Variants in GPRASP1 observed in about 807,000 individuals in gnomAD.
The protein encoded by GPRASP1 is G protein-coupled receptor-associated sorting protein 1.
In GPRASP1, 28 loss-of-function variants were observed where a neutral mutation model predicts 68.4. That is an observed-to-expected ratio of 0.41 (90% CI 0.30 to 0.56). GPRASP1 has a LOEUF of 0.56. GPRASP1 is among the 20% of genes least tolerant of loss of function. The pLI, the probability that GPRASP1 is intolerant of heterozygous loss-of-function variation, is 0.29. For missense variants in GPRASP1, 913 were observed against 1,031.5 expected, an observed-to-expected ratio of 0.89 and a Z score of 1.57; for synonymous variants, 304 against 358.2, an observed-to-expected ratio of 0.85 and a Z score of 1.71.
At chrX:102,651,857 C>T (rs748612456) in intron 2 of GPRASP1, 124 bp downstream of exon 2, 1 of 113,250 alleles carries the variant, frequency 8.8e-6, no homozygotes, top group African/African-American at 3.2e-5. Context: ...ACCGCGCTGA[C>T]CGCTTCCCAG....
chrX:102,654,682 T>G lies in GPRASP1; in HGVS notation c.769T>G (p.Ser257Ala), dbSNP rs758601705. ...ATCTAGTTCTGGTTCTGAGGATGAG[T>G]CTGTTAAGACACCCTGGTTCTGGGC... ...IASSSGSEDE[S>A]VKTPWFWARD... Residue 257 changes from serine (S) to alanine (A), a missense_variant, in exon 6 of 6, where the codon TCT becomes GCT. Coordinates refer to ENST00000537097, the MANE Select transcript of GPRASP1 (RefSeq NM_001184727.2). The G allele has an allele frequency of 2.5e-6, 3 of 1,211,231 alleles. No homozygotes were observed. The highest frequency in any genetic ancestry group is 3.4e-6 in the Non-Finnish European group (3 of 895,140).
Position 102,654,559 on chromosome X carries a change from G to A in GPRASP1, c.646G>A (p.Gly216Arg), listed in dbSNP as rs1209575131. The A allele has an allele frequency of 8.3e-7, 1 of 1,209,212 alleles. No individual in the cohort carries two copies. The highest frequency in any genetic ancestry group is 1.1e-6 in the Non-Finnish European group (1 of 894,637). ...GDEVTAKFHP[G>R]NRVKDSNRSM... ...TGAGGTCACTGCAAAATTTCATCCTGGGAATAGGGTAAAAGACAGTAACAG... is the reference window on the plus strand; with the variant it reads ...TGAGGTCACTGCAAAATTTCATCCTAGGAATAGGGTAAAAGACAGTAACAG... Residue 216 changes from glycine (G) to arginine (R), a missense_variant, in exon 6 of 6, where the codon GGG (glycine) becomes AGG (arginine). Physicochemically the swap from Gly to Arg is moderately radical, Grantham distance 125 (BLOSUM62 -2). Transcript: ENST00000537097.
In GPRASP1 at chrX:102,655,895, G is replaced by A. The variant is rs774872818; in HGVS notation, c.1982G>A (p.Arg661Lys). ...EVSMKHGTGV[R>K]CRFMAGAEET... is the part of the protein sequence containing the mutation. Reference sequence around the variant, plus strand: ...AGTATGAAGCATGGGACTGGTGTCAGATGCAGATTTATGGCAGGGGCTGAG... The same window carrying A: ...AGTATGAAGCATGGGACTGGTGTCAAATGCAGATTTATGGCAGGGGCTGAG... The change falls in exon 6 of 6, where the codon AGA (arginine) becomes AAA (lysine). Residue 661 changes from arginine to lysine, a missense_variant. Transcript: ENST00000537097. The A allele has an allele frequency of 1.3e-5, 16 of 1,211,602 alleles. No homozygotes were observed. The Admixed American group carries it at 3.5e-4, about 26-fold the overall frequency.
Position 102,653,615 on chromosome X carries a change from T to G in GPRASP1, c.-299T>G. The G allele has an allele frequency of 4.0e-6, 1 of 248,530 alleles. No homozygotes were observed. 20.5% of individuals were successfully genotyped at this position (248,530 alleles called of 1,213,427 possible). Reference sequence around the variant, plus strand: ...AGTGGCTGCTCTGCTGGTGGTGGGGTTGCTGCTGACAACCACCCTCAACGG... The same window carrying G: ...AGTGGCTGCTCTGCTGGTGGTGGGGGTGCTGCTGACAACCACCCTCAACGG... On this transcript the variant is annotated 5_prime_UTR_variant, in exon 6 of 6. Coordinates refer to ENST00000537097, the MANE Select transcript of GPRASP1 (RefSeq NM_001184727.2).
Position 102,654,292 on chromosome X carries a change from G to A in GPRASP1, c.379G>A (p.Val127Ile). The A allele has an allele frequency of 1.7e-6, 2 of 1,210,845 alleles. No individual in the cohort carries two copies. Among genetic ancestry groups the A allele is most frequent in the South Asian group, 1.8e-5 (1 of 56,963 alleles). ...IASPLVSTDS[V>I]LVAKTKYLSE... The stretch of plus-strand genomic sequence containing the variant: ...CTCTCCACTTGTCAGTACTGATTCT[G>A]TCTTGGTTGCTAAAACAAAGTACCT... The change falls in exon 6 of 6, where the codon GTC (valine) becomes ATC (isoleucine). Residue 127 changes from valine (V) to isoleucine (I), a missense_variant. By Grantham distance (29) the Val-to-Ile change is conservative (BLOSUM62 3). Coordinates refer to ENST00000537097, the MANE Select transcript of GPRASP1 (RefSeq NM_001184727.2).
In GPRASP1 at chrX:102,657,801, T is replaced by C. The variant is rs140638685; in HGVS notation, c.3888T>C (p.Val1296=). The C allele has an allele frequency of 2.1e-4, 257 of 1,207,366 alleles. No homozygotes were observed. Among genetic ancestry groups the C allele is most frequent in the Middle Eastern group, 4.6e-4 (2 of 4,361 alleles). The change falls in exon 6 of 6, where the codon GTT becomes GTC. Residue 1296 remains valine (V), a synonymous_variant. Transcript: ENST00000537097. ...GCAATGCCAAAACAAGGTTTCATGT[T>C]TTGAAAATGCTACTGAATTTGTCTG... ...ATGNAKTRFH[V]LKMLLNLSEN...
chrX:102,656,639 C>T lies in GPRASP1; in HGVS notation c.2726C>T (p.Ser909Phe). ...SETEEETIFG[S>F]WFWDGKEVSE... ...ACTGAAGAGGAAACCATTTTTGGGT[C>T]CTGGTTCTGGGATGGAAAAGAAGTC... is the stretch of plus-strand genomic sequence containing the variant. The change falls in exon 6 of 6, where the codon TCC (serine) becomes TTC (phenylalanine). Residue 909 changes from serine to phenylalanine, a missense_variant. Physicochemically the swap from Ser to Phe is radical, Grantham distance 155. Coordinates refer to ENST00000537097, the MANE Select transcript of GPRASP1 (RefSeq NM_001184727.2). 8.3e-7 allele frequency: 1 copy of T among 1,210,461 alleles called. No homozygotes were observed. Among genetic ancestry groups the T allele is most frequent in the Non-Finnish European group, 1.1e-6 (1 of 894,766 alleles).
rs147419421 is a variant in GPRASP1, at chrX:102,657,085, G to T, written c.3172G>T (p.Gly1058Cys). Reference sequence around the variant, plus strand: ...TGTTCAGTTCAAGCCTGGTCCATGGGGTAGGGTCGGCTTCCCATCTATAAG... The same window carrying T: ...TGTTCAGTTCAAGCCTGGTCCATGGTGTAGGGTCGGCTTCCCATCTATAAG... The part of the protein sequence containing the change: ...VTVQFKPGPW[G>C]RVGFPSISPF... The change falls in exon 6 of 6, where the codon GGT (glycine) becomes TGT (cysteine). Residue 1058 changes from glycine to cysteine, a missense_variant. Coordinates refer to ENST00000537097, the MANE Select transcript of GPRASP1 (RefSeq NM_001184727.2). 8.3e-6 allele frequency: 10 copies of T among 1,209,288 alleles called. No homozygotes were observed. The highest frequency in any genetic ancestry group is 1.1e-5 in the Non-Finnish European group (10 of 894,612).
chrX:102,654,159 A>G lies in GPRASP1; in HGVS notation c.246A>G (p.Ala82=). 1 of 1,212,257 alleles carries G rather than the reference A, an allele frequency of 8.2e-7. No individual in the cohort carries two copies. The highest frequency in any genetic ancestry group is 1.1e-6 in the Non-Finnish European group (1 of 895,484). ...CACGCCCTAAGAGTAAGGCCAAGGCAATACCTGTTTCACGATTTAAGGAAG... is the reference window on the plus strand; with the variant it reads ...CACGCCCTAAGAGTAAGGCCAAGGCGATACCTGTTTCACGATTTAAGGAAG... ...GGARPKSKAK[A]IPVSRFKEEA... The change falls in exon 6 of 6, where the codon GCA becomes GCG. Residue 82 remains alanine (A), a synonymous_variant. Coordinates refer to ENST00000537097, the MANE Select transcript of GPRASP1 (RefSeq NM_001184727.2).
rs1047452095 is a variant in GPRASP1 at position 102,651,726 on chromosome X, A to G, written c.-579A>G. On this transcript the variant is annotated 5_prime_UTR_variant, in exon 2 of 6. Coordinates refer to ENST00000537097, the MANE Select transcript of GPRASP1 (RefSeq NM_001184727.2). ...GACGATCCGTTCGGAGCCGGGCGCT[A>G]GAGAGAGGTGCGCAGTGCCCGAGAT... The G allele has an allele frequency of 1.8e-5, 2 of 111,833 alleles. No individual in the cohort carries two copies. The highest frequency in any genetic ancestry group is 6.5e-5 in the African/African-American group (2 of 30,721). The allele number at this position is 111,833 out of a possible 1,213,427, so 9.2% of individuals were successfully genotyped here.
At position 102,654,671 on chromosome X, in the gene GPRASP1, C is replaced by A. The variant is rs373462778; in HGVS notation, c.758C>A (p.Ser253Tyr). 1.7e-5 allele frequency: 21 copies of A among 1,209,724 alleles called. No individual in the cohort carries two copies. The highest frequency in any genetic ancestry group is 2.1e-5 in the Non-Finnish European group (19 of 894,785). ...QELYIASSSG[S>Y]EDESVKTPWF... ...CTCTATATTGCATCTAGTTCTGGTT[C>A]TGAGGATGAGTCTGTTAAGACACCC... The change falls in exon 6 of 6, where the codon TCT (serine) becomes TAT (tyrosine). Residue 253 changes from serine to tyrosine, a missense_variant. Coordinates refer to ENST00000537097, the MANE Select transcript of GPRASP1 (RefSeq NM_001184727.2).
rs2081440842 is a variant in GPRASP1 at position 102,658,653 on chromosome X, A to T, written c.*552A>T. 9.2e-6 allele frequency: 1 copy of T among 109,134 alleles called. No homozygotes were observed. Among genetic ancestry groups the T allele is most frequent in the Non-Finnish European group, 2.0e-5 (1 of 50,392 alleles). 9.0% of individuals were successfully genotyped at this position (109,134 alleles called of 1,213,427 possible). A position where few individuals can be genotyped will look rare whatever the true frequency, so the allele number is the denominator to read the frequency against. Reference sequence around the variant, plus strand: ...CTTCGGTTGGACTCTGAAGTTTGGGAAAGATATTGGTGGTGTAAAAAAAAA... The same window carrying T: ...CTTCGGTTGGACTCTGAAGTTTGGGTAAGATATTGGTGGTGTAAAAAAAAA... On this transcript the variant is annotated 3_prime_UTR_variant, in exon 6 of 6. Transcript: ENST00000537097.
At position 102,657,950 on chromosome X, in the gene GPRASP1, G is replaced by A; in HGVS notation, c.4037G>A (p.Gly1346Asp). 8.5e-7 allele frequency: 1 copy of A among 1,178,727 alleles called. No individual in the cohort carries two copies. Among genetic ancestry groups the A allele is most frequent in the Non-Finnish European group, 1.2e-6 (1 of 866,069 alleles). Residue 1346 changes from glycine to aspartate, a missense_variant, in exon 6 of 6, where the codon GGC (glycine) becomes GAC (aspartate). By Grantham distance (94) the Gly-to-Asp change is moderately conservative. Coordinates refer to ENST00000537097, the MANE Select transcript of GPRASP1 (RefSeq NM_001184727.2). The stretch of plus-strand genomic sequence containing the variant: ...GTTCTTGCAATATTTGAGAATATTG[G>A]CAACAATATCAAAAAAGAAACAGTG... Reference protein sequence around the residue: ...QIVLAIFENIGNNIKKETVFS... With the variant: ...QIVLAIFENIDNNIKKETVFS...
Position 102,654,232 on chromosome X carries a change from A to G in GPRASP1, c.319A>G (p.Lys107Glu). Residue 107 changes from lysine (K) to glutamate (E), a missense_variant, in exon 6 of 6, where the codon AAG (lysine) becomes GAG (glutamate). Transcript: ENST00000537097. ...CAGGTTTGGTGCTGAAAGATTGTCT[A>G]AGACAGAGAGAAACTCCCAGACCAA... is the stretch of plus-strand genomic sequence containing the variant. Reference protein sequence around the residue: ...QPRFGAERLSKTERNSQTNII... With the variant: ...QPRFGAERLSETERNSQTNII... 1 of 1,211,761 alleles carries G rather than the reference A, an allele frequency of 8.3e-7. No homozygotes were observed. Among genetic ancestry groups the G allele is most frequent in the Non-Finnish European group, 1.1e-6 (1 of 895,129 alleles).
In GPRASP1 at chrX:102,658,043, A is replaced by G. The variant is rs1009791222; in HGVS notation, c.4130A>G (p.Lys1377Arg). The change falls in exon 6 of 6, where the codon AAG (lysine) becomes AGG (arginine). Residue 1377 changes from lysine to arginine, a missense_variant. Lys to Arg is a conservative substitution (Grantham distance 26). Transcript: ENST00000537097. ...SAFHKVEKFA[K>R]ELQGKTDNQN... ...TTCCACAAAGTTGAGAAATTTGCTA[A>G]GGAACTGCAAGGCAAAACAGACAAT... 1.7e-6 allele frequency: 2 copies of G among 1,191,202 alleles called. No homozygotes were observed. Among genetic ancestry groups the G allele is most frequent in the African/African-American group, 3.5e-5 (2 of 56,815 alleles).
In GPRASP1 at chrX:102,658,289, C is replaced by T; in HGVS notation, c.*188C>T. 1 of 393,258 alleles carries T rather than the reference C, an allele frequency of 2.5e-6. No individual in the cohort carries two copies. Among genetic ancestry groups the T allele is most frequent in the Non-Finnish European group, 4.5e-6 (1 of 221,292 alleles). 32.4% of individuals were successfully genotyped at this position (393,258 alleles called of 1,213,427 possible). A position where few individuals can be genotyped will look rare whatever the true frequency, so the allele number is the denominator to read the frequency against. ...CAGCTGAATATTAGAGCTGAAAACA[C>T]ATTTGTTGATATTTGTCTTGTCCAC... is the stretch of plus-strand genomic sequence containing the variant. On this transcript the variant is annotated 3_prime_UTR_variant, in exon 6 of 6. Transcript: ENST00000537097.
chrX:102,657,233 C>G lies in GPRASP1; in HGVS notation c.3320C>G (p.Pro1107Arg), dbSNP rs1220791827. 3 of 1,208,728 alleles carry G rather than the reference C, an allele frequency of 2.5e-6. No individual in the cohort carries two copies. Among genetic ancestry groups the G allele is most frequent in the African/African-American group, 1.7e-5 (1 of 57,183 alleles). The change falls in exon 6 of 6, where the codon CCT (proline) becomes CGT (arginine). Residue 1107 changes from proline (P) to arginine (R), a missense_variant. Pro to Arg is a moderately radical substitution (Grantham distance 103, BLOSUM62 -2). Coordinates refer to ENST00000537097, the MANE Select transcript of GPRASP1 (RefSeq NM_001184727.2). Reference sequence around the variant, plus strand: ...GAATCTTTGCTTCAGCCTGATCAGCCTAGTCCTGAGTTCCCATTTCAGTAT... The same window carrying G: ...GAATCTTTGCTTCAGCCTGATCAGCGTAGTCCTGAGTTCCCATTTCAGTAT... ...DQESLLQPDQ[P>R]SPEFPFQYDP...
rs771855312 is a variant in GPRASP1, at chrX:102,654,740, G to A, written c.827G>A (p.Arg276Lys). The change falls in exon 6 of 6, where the codon AGG (arginine) becomes AAG (lysine). Residue 276 changes from arginine (R) to lysine (K), a missense_variant. Transcript: ENST00000537097. ...AAAACCAATACCTGGTCTGGGCCCA[G>A]GGAAGATCCCAATAGCAGGTCCAGG... Reference protein sequence around the residue: ...RDKTNTWSGPREDPNSRSRFR... With the variant: ...RDKTNTWSGPKEDPNSRSRFR... 8.3e-7 allele frequency: 1 copy of A among 1,210,097 alleles called. No individual in the cohort carries two copies. The highest frequency in any genetic ancestry group is 3.0e-5 in the East Asian group (1 of 33,821).
At position 102,658,143 on chromosome X, in the gene GPRASP1, A is replaced by G; in HGVS notation, c.*42A>G. 1 of 642,017 alleles carries G rather than the reference A, an allele frequency of 1.6e-6. No individual in the cohort carries two copies. The allele number at this position is 642,017 out of a possible 1,213,427, so 52.9% of individuals were successfully genotyped here. A position where few individuals can be genotyped will look rare whatever the true frequency, so the allele number is the denominator to read the frequency against. ...GCCTCAGATTGTCCTTATGTTCCTG[A>G]GTTATGATCCTTGAGTAATGCTTTG... On this transcript the variant is annotated 3_prime_UTR_variant, in exon 6 of 6. Coordinates refer to ENST00000537097, the MANE Select transcript of GPRASP1 (RefSeq NM_001184727.2).
Sources: allele counts gnomAD v4.1 joint callset, GRCh38; gene constraint gnomAD v4.1.1; transcripts MANE v1.5; gene names NCBI Gene and HGNC (gene_info 2026-07-23, HGNC 2026-07-21).